WBP2NL: variants seen among roughly 807,000 people sequenced by gnomAD.
The protein encoded by WBP2NL is postacrosomal sheath WW domain-binding protein.
WBP2NL carries 27 observed loss-of-function variants against 23.3 expected under a neutral mutation model. The observed-to-expected ratio is 1.16, with a 90% CI of 0.85 to 1.60. The LOEUF is 1.60. Ranked by LOEUF, WBP2NL falls within the 40% of genes most tolerant of loss-of-function variation. WBP2NL has a pLI of 0.00. For synonymous variants in WBP2NL, 151 were observed against 145.9 expected (o/e 1.03, Z -0.25); for missense variants, 370 against 389.5 (o/e 0.95, Z 0.42).
downstream of WBP2NL, among the ~76,000 whole-genome samples, chr22:42,037,832 A>G (rs1217409064): frequency 4.1e-5 from 5 of 122,128 alleles, no homozygotes; most frequent in Admixed American, 8.7e-5. Context: ...AGGTGCGGGG[A>G]GAGAGAGAGA....
Position 42,019,429 on chromosome 22 carries a change from ACTT to A in WBP2NL, c.171+13_171+15del. Reference sequence around the variant, plus strand: ...TCTCACTTCATACCGGGTAATTTCTACTTCTACTTTAATCTGCTGATTAACTCT... The same window carrying A: ...TCTCACTTCATACCGGGTAATTTCTACTACTTTAATCTGCTGATTAACTCT... On this transcript the variant is annotated intron_variant, in intron 2 of 5. Coordinates refer to ENST00000328823, the MANE Select transcript of WBP2NL (RefSeq NM_152613.3). The A allele has an allele frequency of 6.2e-7, 1 of 1,608,672 alleles. No homozygotes were observed. The highest frequency in any genetic ancestry group is 1.7e-4 in the Middle Eastern group (1 of 6,048).
In WBP2NL at chr22:42,027,002, G is replaced by A. The variant is rs148008993; in HGVS notation, c.751G>A (p.Gly251Arg). Residue 251 changes from glycine (G) to arginine (R), a missense_variant, in exon 6 of 6, where the codon GGA becomes AGA. Transcript: ENST00000328823. Reference protein sequence around the residue: ...PPLGYGTPPLGYGAPPLGYGA... With the variant: ...PPLGYGTPPLRYGAPPLGYGA... ...TCTTGGATATGGAACCCCACCTCTC[G>A]GATATGGAGCCCCACCTCTCGGATA... The A allele has an allele frequency of 3.0e-5, 49 of 1,609,858 alleles. No homozygotes were observed. The highest frequency in any genetic ancestry group is 9.4e-5 in the African/African-American group (7 of 74,412).
intron 5 of WBP2NL, among the ~76,000 whole-genome samples, chr22:42,023,830 T>C (rs1389757008): frequency 6.6e-6 from 1 of 151,998 alleles, no homozygotes; most frequent in Non-Finnish European, 1.5e-5. Flanking sequence ...ATTTTGTAGA[T>C]ACAGGGTCTC....
At chr22:42,003,799 A>C (rs1012556116) in intron 1 of WBP2NL, among the ~76,000 whole-genome samples, 1 of 152,226 alleles carries the variant, frequency 6.6e-6, no homozygotes, top group Non-Finnish European at 1.5e-5. Context: ...GAAAGATAAG[A>C]TATCAATTTG....
chr22:42,007,665 G>A (rs73418929), intron 1 of WBP2NL, among the ~76,000 whole-genome samples: 81 of 152,044 alleles, frequency 5.3e-4, no homozygotes, highest in African/African-American at 1.9e-3. Context: ...TTGTCTTTTT[G>A]TGGCTGGTTT....
chr22:42,010,321 G>A (rs2146768490), intron 1 of WBP2NL, among the ~76,000 whole-genome samples: 1 of 152,124 alleles, frequency 6.6e-6, no homozygotes, highest in Admixed American at 6.5e-5. Flanking sequence ...TAATTGCTCT[G>A]GCTAGGACTT....
chr22:42,040,226 CTCTT>C (rs1201498323), intron 8 of WBP2NL, among the ~76,000 whole-genome samples: 1 of 149,492 alleles, frequency 6.7e-6, no homozygotes, highest in Non-Finnish European at 1.5e-5. Flanking sequence ...TTCTCTCTCT[CTCTT>C]TTTTTTTTTT....
At position 42,019,301 on chromosome 22, in the gene WBP2NL, T is replaced by A; in HGVS notation, c.63-10T>A. On this transcript the variant is annotated splice_polypyrimidine_tract_variant and intron_variant, in intron 1 of 5. Transcript: ENST00000328823. ...TTTATTGTGTGCCGTCTGTTCCTCA[T>A]TTTCTACAGTCTCTTGAAGCGGTCT... 6.2e-7 allele frequency: 1 copy of A among 1,609,024 alleles called. No homozygotes were observed. The highest frequency in any genetic ancestry group is 8.5e-7 in the Non-Finnish European group (1 of 1,177,904).
intron 1 of WBP2NL, chr22:42,001,414 G>C (rs1317532084): frequency 1.3e-6 from 1 of 761,248 alleles, no homozygotes; most frequent in Non-Finnish European, 2.3e-6. Context: ...CAGCTCGGTA[G>C]ATAATACCCT....
At chr22:42,042,878 A>G (rs1031209885) in intron 8 of WBP2NL, among the ~76,000 whole-genome samples, 1 of 152,124 alleles carries the variant, frequency 6.6e-6, no homozygotes, top group African/African-American at 2.4e-5. Flanking sequence ...CTTGGGCAAC[A>G]CGGTGAAACC....
chr22:42,047,969 C>T (rs1819365168), intron 8 of WBP2NL, among the ~76,000 whole-genome samples: 1 of 152,074 alleles, frequency 6.6e-6, no homozygotes, highest in African/African-American at 2.4e-5. Flanking sequence ...AGACCAGTAT[C>T]TCTCATAAAC....
rs1280987308 is a variant in WBP2NL, at chr22:42,028,463, G to A, written c.*1282G>A. ...AAATGTGATAGAGGAAATAAAAGGA[G>A]TTTGTAGTAAAATTTTAAGTGTTTT... On this transcript the variant is annotated 3_prime_UTR_variant, in exon 6 of 6. Coordinates refer to ENST00000328823, the MANE Select transcript of WBP2NL (RefSeq NM_152613.3). 2 of 162,152 alleles carry A rather than the reference G, an allele frequency of 1.2e-5. No individual in the cohort carries two copies. The highest frequency in any genetic ancestry group is 4.8e-5 in the African/African-American group (2 of 41,866). The allele number at this position is 162,152 out of a possible 1,614,324, so 10.0% of individuals were successfully genotyped here. A position where few individuals can be genotyped will look rare whatever the true frequency, so the allele number is the denominator to read the frequency against.
chr22:42,013,192 G>A (rs565855903), intron 1 of WBP2NL, among the ~76,000 whole-genome samples: 15 of 151,924 alleles, frequency 9.9e-5, no homozygotes, highest in Non-Finnish European at 1.3e-4. Context: ...GACCAACATG[G>A]AGAAACCCCA....
At chr22:41,999,330 A>C (rs2146744032) in intron 1 of WBP2NL, among the ~76,000 whole-genome samples, 1 of 152,290 alleles carries the variant, frequency 6.6e-6, no homozygotes, top group Non-Finnish European at 1.5e-5. Context: ...TCCACGAACA[A>C]GGTGTCGCTC....
chr22:42,044,319 C>T (rs1479678256), intron 8 of WBP2NL, among the ~76,000 whole-genome samples: 1 of 152,024 alleles, frequency 6.6e-6, no homozygotes, highest in Non-Finnish European at 1.5e-5. Flanking sequence ...GATCCTCCCA[C>T]TTCAGCCACC....
At position 42,026,616 on chromosome 22, in the gene WBP2NL, T is replaced by C. The variant is rs977036982; in HGVS notation, c.515-150T>C. The C allele has an allele frequency of 6.3e-6, 8 of 1,277,272 alleles. No individual in the cohort carries two copies. The East Asian group carries it at 1.9e-4, about 31-fold the overall frequency. 79.1% of individuals were successfully genotyped at this position (1,277,272 alleles called of 1,614,324 possible). On this transcript the variant is annotated intron_variant, in intron 5 of 5. Coordinates refer to ENST00000328823, the MANE Select transcript of WBP2NL (RefSeq NM_152613.3). ...CAGGAAGTGATATGCCTTCAATTGG[T>C]GATAGCTAGAGGAAATAGCTTTAGC...
chr22:42,026,328 A>C (rs1924489887), intron 5 of WBP2NL, among the ~76,000 whole-genome samples: 1 of 150,508 alleles, frequency 6.6e-6, no homozygotes, highest in East Asian at 1.9e-4. Flanking sequence ...TATGGCTGAT[A>C]TGATCATGAT....
chr22:42,009,077 C>G (rs1293323631), intron 1 of WBP2NL, among the ~76,000 whole-genome samples: 1 of 152,176 alleles, frequency 6.6e-6, no homozygotes. Flanking sequence ...CTGGGCCTGG[C>G]CAATTTTTTT....
chr22:42,022,476 A>G, intron 5 of WBP2NL, 120 bp downstream of exon 5: 1 of 884,200 alleles, frequency 1.1e-6, no homozygotes, highest in East Asian at 2.6e-5. Context: ...GGGCTTGGAA[A>G]ATGGTCACAT....
Sources: allele counts gnomAD v4.1 joint callset (sites outside exome capture counted in the v4.1 genomes callset), GRCh38; gene constraint gnomAD v4.1.1; transcripts MANE v1.5; gene names NCBI Gene and HGNC (gene_info 2026-07-23, HGNC 2026-07-21).